NBEAL1: variants seen among roughly 807,000 people sequenced by gnomAD.
NBEAL1 encodes the protein neurobeachin-like protein 1.
In NBEAL1, 273 loss-of-function variants were observed where a neutral mutation model predicts 351.3. That is an observed-to-expected ratio of 0.78 (90% CI 0.70 to 0.86). NBEAL1 has a LOEUF of 0.86. Ranked by LOEUF, NBEAL1 falls within the 40% of genes least tolerant of loss-of-function variation. NBEAL1 has a pLI of 0.00. For missense variants in NBEAL1, 2,961 were observed against 3,201.3 expected, an observed-to-expected ratio of 0.92 and a Z score of 1.81; for synonymous variants, 1,050 against 1,086.4, an observed-to-expected ratio of 0.97 and a Z score of 0.66.
chr2:203,207,074 C>G (rs988193188), intron 51 of NBEAL1, among the ~76,000 whole-genome samples: 1 of 150,402 alleles, frequency 6.6e-6, no homozygotes, highest in East Asian at 2.0e-4. Flanking sequence ...CCCTGTCGCC[C>G]CGTCCGGGAT....
intron 12 of NBEAL1, among the ~76,000 whole-genome samples, chr2:203,101,242 A>G (rs1044518075): frequency 1.3e-5 from 2 of 152,068 alleles, no homozygotes; most frequent in African/African-American, 4.8e-5. Flanking sequence ...TCCCAGTACT[A>G]TTTATTGAAA....
intron 18 of NBEAL1, among the ~76,000 whole-genome samples, chr2:203,120,063 G>A (rs2106267590): frequency 6.6e-6 from 1 of 152,226 alleles, no homozygotes; most frequent in East Asian, 1.9e-4. Flanking sequence ...TCTGTAAGAA[G>A]CTTACAATCT....
At chr2:203,182,988 G>A (rs958251028) in intron 43 of NBEAL1, 3 of 187,942 alleles carry the variant, frequency 1.6e-5, no homozygotes, top group African/African-American at 7.1e-5. Context: ...TATTTTAAGT[G>A]TAAGAAGAAA....
intron 17 of NBEAL1, among the ~76,000 whole-genome samples, chr2:203,115,678 C>A (rs1406280365): frequency 6.6e-6 from 1 of 152,140 alleles, no homozygotes; most frequent in Non-Finnish European, 1.5e-5. Context: ...GATCCACCTG[C>A]TTCAGCCTCC....
intron 8 of NBEAL1, among the ~76,000 whole-genome samples, chr2:203,080,020 GTTGAC>G (rs1206025016): frequency 6.6e-6 from 1 of 152,164 alleles, no homozygotes; most frequent in East Asian, 1.9e-4. Flanking sequence ...TTCATAAACA[GTTGAC>G]TTTATGTATT....
chr2:203,190,912 G>C (rs1242138467), intron 46 of NBEAL1: 1 of 1,611,232 alleles, frequency 6.2e-7, no homozygotes, highest in African/African-American at 1.3e-5. Context: ...GGTTGGTGAT[G>C]ACATTGCCAA....
chr2:203,141,363 A>ATTTTTTT (rs1468774275), intron 31 of NBEAL1, among the ~76,000 whole-genome samples: 23 of 17,480 alleles, frequency 1.3e-3, no homozygotes, highest in South Asian at 4.7e-3. Flanking sequence ...TATTATTATT[A>ATTTTTTT]TTATTTTTTT....
chr2:203,177,006 T>C (rs2064526006), intron 42 of NBEAL1, among the ~76,000 whole-genome samples: 2 of 151,162 alleles, frequency 1.3e-5, no homozygotes, highest in African/African-American at 4.9e-5. Context: ...AGAAAGTTAG[T>C]CGGGTGTGGT....
chr2:203,174,291 T>C (rs1008797206), intron 41 of NBEAL1, among the ~76,000 whole-genome samples: 1 of 147,978 alleles, frequency 6.8e-6, no homozygotes, highest in African/African-American at 2.5e-5. Context: ...ATAGTTAAAT[T>C]GTGGTACATC....
intron 46 of NBEAL1, among the ~76,000 whole-genome samples, chr2:203,193,051 A>G (rs1351584599): frequency 7.3e-6 from 1 of 137,676 alleles, no homozygotes; most frequent in Non-Finnish European, 1.5e-5. Context: ...GGCTCACTGC[A>G]ACTTCCATCT....
Position 203,202,045 on chromosome 2 carries a change from A to G in NBEAL1, c.7411+330A>G, listed in dbSNP as rs551971935. On this transcript the variant is annotated intron_variant, in intron 50 of 55. Transcript: ENST00000683969. ...CATTAGATAAGACATCAACTGCTCTATTACTTTGTTAACAGTTAAACATGA... is the reference window on the plus strand; with the variant it reads ...CATTAGATAAGACATCAACTGCTCTGTTACTTTGTTAACAGTTAAACATGA... 6.6e-4 allele frequency among the ~76,000 whole-genome samples: 100 copies of G among 152,314 alleles called. 1 individual carries two copies. Among genetic ancestry groups the G allele is most frequent in the African/African-American group, 2.4e-3 (98 of 41,576 alleles).
chr2:203,024,690 C>T (rs541920192), intron 2 of NBEAL1, among the ~76,000 whole-genome samples: 65 of 152,028 alleles, frequency 4.3e-4, no homozygotes, highest in Admixed American at 5.2e-4. Flanking sequence ...TGGTGAAACC[C>T]GTCTCTACTA....
In NBEAL1 at chr2:203,169,818, A is replaced by G; in HGVS notation, c.6069A>G (p.Pro2023=). 6.2e-7 allele frequency: 1 copy of G among 1,609,460 alleles called. No individual in the cohort carries two copies. Among genetic ancestry groups the G allele is most frequent in the Non-Finnish European group, 8.5e-7 (1 of 1,177,300 alleles). The change falls in exon 39 of 56, where the codon CCA becomes CCG. Residue 2023 remains proline (P), a synonymous_variant. Transcript: ENST00000683969. ...ATAGTTATTATGGAAGCAGATCACC[A>G]CAGGAGTTATTCAAAGCATCAGGAT... ...SPNSYYGSRS[P]QELFKASGLT... is the part of the protein sequence containing the mutation.
chr2:203,083,376 G>A lies in NBEAL1; in HGVS notation c.842G>A (p.Ser281Asn), dbSNP rs1422424750. The A allele has an allele frequency of 1.9e-6, 3 of 1,555,480 alleles. No homozygotes were observed. The Admixed American group carries it at 5.9e-5, about 30-fold the overall frequency. Residue 281 changes from serine (S) to asparagine (N), a missense_variant, in exon 9 of 56, where the codon AGT (serine) becomes AAT (asparagine). Coordinates refer to ENST00000683969, the MANE Select transcript of NBEAL1 (RefSeq NM_001378026.1). ...CLTEVVHILLSSNSDQRQVET... is the reference protein window; with the variant it reads ...CLTEVVHILLNSNSDQRQVET... ...ACAGAAGTGGTACATATCCTTCTCAGTAGCAACTCTGATCAGCGTCAAGTG... is the reference window on the plus strand; with the variant it reads ...ACAGAAGTGGTACATATCCTTCTCAATAGCAACTCTGATCAGCGTCAAGTG...
At position 203,171,974 on chromosome 2, in the gene NBEAL1, T is replaced by TAA; in HGVS notation, c.6151_6152dup (p.Asn2051LysfsTer47). 1 of 1,608,660 alleles carries TAA rather than the reference T, an allele frequency of 6.2e-7. No individual in the cohort carries two copies. The highest frequency in any genetic ancestry group is 1.7e-4 in the Middle Eastern group (1 of 6,032). On this transcript the variant is annotated frameshift_variant, in exon 40 of 56. Coordinates refer to ENST00000683969, the MANE Select transcript of NBEAL1 (RefSeq NM_001378026.1). LOFTEE classifies it high-confidence loss of function. ...TCAAATTTTGACTACCTCATTCAAA[T>TAA]AAATACAATGGCAGGACGAACCTAT...
chr2:203,037,676 T>A (rs2061061476), intron 2 of NBEAL1, among the ~76,000 whole-genome samples: 1 of 149,050 alleles, frequency 6.7e-6, no homozygotes. Flanking sequence ...GAACTTCATA[T>A]AAGTGATATC....
In NBEAL1 at chr2:203,036,172, G is replaced by A. The variant is rs949226798; in HGVS notation, c.52-5593G>A. Among the ~76,000 whole-genome samples the A allele has an allele frequency of 2.0e-5, 3 of 149,260 alleles. No individual in the cohort carries two copies. The Admixed American group carries it at 2.0e-4, about 10-fold the overall frequency. ...GGCCAGACGCTGGTGTTTCAATAAAGCAAACTCATCTTAACCATGAAAGTG... is the reference window on the plus strand; with the variant it reads ...GGCCAGACGCTGGTGTTTCAATAAAACAAACTCATCTTAACCATGAAAGTG... On this transcript the variant is annotated intron_variant, in intron 2 of 55. Coordinates refer to ENST00000683969, the MANE Select transcript of NBEAL1 (RefSeq NM_001378026.1).
At chr2:203,143,326 C>T (rs1055773089) in intron 31 of NBEAL1, among the ~76,000 whole-genome samples, 2 of 152,094 alleles carry the variant, frequency 1.3e-5, no homozygotes, top group Admixed American at 6.5e-5. Context: ...GTATATTACT[C>T]GGGAATTTTA....
At chr2:203,122,376 A>T in intron 19 of NBEAL1, 33 bp downstream of exon 19, 1 of 1,266,450 alleles carries the variant, frequency 7.9e-7, no homozygotes, top group Non-Finnish European at 1.1e-6. Context: ...GCAACATCTT[A>T]CATAATTTAC....
Sources: gnomAD v4.1 joint callset for allele counts (sites outside exome capture counted in the v4.1 genomes callset) on GRCh38, gnomAD v4.1.1 for gene constraint, MANE v1.5 for transcripts, NCBI Gene and HGNC (gene_info 2026-07-23, HGNC 2026-07-21) for gene names.